The following PPARGC1A variants were observed in gnomAD, a reference collection of about 807,000 sequenced individuals.
PPARGC1A encodes the protein PPARG coactivator 1 alpha, also known as peroxisome proliferator-activated receptor gamma coactivator 1-alpha.
PPARGC1A carries 25 observed loss-of-function variants against 88.7 expected under a neutral mutation model. The ratio of observed to expected loss-of-function variants is 0.28; its 90% CI spans 0.21 to 0.39. The LOEUF is 0.39. Ranked by LOEUF, PPARGC1A falls within the 10% of genes least tolerant of loss-of-function variation. PPARGC1A has a pLI of 1.00. For synonymous variants in PPARGC1A, 363 were observed against 355.6 expected (o/e 1.02, Z -0.24); for missense variants, 880 against 968.7 (o/e 0.91, Z 1.22).
chr4:23,795,898 G>C lies in PPARGC1A; in HGVS notation c.2321C>G (p.Ala774Gly), dbSNP rs201337076. 2.5e-5 allele frequency: 41 copies of C among 1,611,516 alleles called. No individual in the cohort carries two copies. The Admixed American group carries it at 6.7e-4, about 26-fold the overall frequency. ...AGAGTCATACTTGCTCTTGGTGGAA[G>C]CAGGGTCAAAGTCATCTGAGTTTGA... ...LDSNSDDFDP[A>G]STKSKYDSLD... The change falls in exon 13 of 13, where the codon GCT becomes GGT. Residue 774 changes from alanine to glycine, a missense_variant. Transcript: ENST00000264867.
the PPARGC1A span, among the ~76,000 whole-genome samples, chr4:23,929,967 G>A: frequency 6.6e-6 from 1 of 151,982 alleles, no homozygotes; most frequent in African/African-American, 2.4e-5. Context: ...AACTCACCAA[G>A]GAAATCCTCA....
the PPARGC1A span, among the ~76,000 whole-genome samples, chr4:24,188,154 G>GCCGAGGTGGGTGGATC: frequency 2.6e-5 from 4 of 152,122 alleles, no homozygotes; most frequent in African/African-American, 9.7e-5. Flanking sequence ...AGGAACTGAG[G>GCCGAGGTGGGTGGATC]AAGAGCAACA....
chr4:24,297,397 T>G, the PPARGC1A span, among the ~76,000 whole-genome samples: 5 of 152,134 alleles, frequency 3.3e-5, no homozygotes, highest in African/African-American at 1.2e-4. Context: ...GAAATGTACT[T>G]TCAAAGCATC....
chr4:23,959,385 A>T, the PPARGC1A span, among the ~76,000 whole-genome samples: 2 of 152,182 alleles, frequency 1.3e-5, no homozygotes, highest in South Asian at 4.1e-4. Context: ...ATATTTCAGT[A>T]CTTATTATGG....
chr4:24,295,957 A>T, the PPARGC1A span, among the ~76,000 whole-genome samples: 1 of 150,392 alleles, frequency 6.6e-6, no homozygotes, highest in Non-Finnish European at 1.5e-5. Context: ...ATTATTTATC[A>T]CTTGGTGAGT....
chr4:23,849,363 T>C (rs543016164), intron 2 of PPARGC1A, among the ~76,000 whole-genome samples: 11 of 152,352 alleles, frequency 7.2e-5, no homozygotes, highest in African/African-American at 1.2e-4. Flanking sequence ...CTTAATCTGT[T>C]ACCTAAGATG....
chr4:24,103,714 C>T, the PPARGC1A span, among the ~76,000 whole-genome samples: 8 of 151,898 alleles, frequency 5.3e-5, no homozygotes, highest in South Asian at 4.2e-4. Flanking sequence ...TGGTAGGGTG[C>T]TGAAGCCTAC....
the PPARGC1A span, among the ~76,000 whole-genome samples, chr4:24,199,621 G>A: frequency 3.9e-5 from 6 of 152,122 alleles, no homozygotes; most frequent in African/African-American, 1.4e-4. Context: ...TGGGGCATAA[G>A]GCACATTGGC....
upstream of PPARGC1A, among the ~76,000 whole-genome samples, chr4:23,904,878 T>C (rs1288907391): frequency 1.3e-5 from 2 of 152,224 alleles, no homozygotes; most frequent in Admixed American, 6.5e-5. Flanking sequence ...TTTCTGAACA[T>C]AGATACTTTT....
the PPARGC1A span, among the ~76,000 whole-genome samples, chr4:24,351,377 A>G: frequency 1.3e-5 from 2 of 149,836 alleles, no homozygotes; most frequent in African/African-American, 4.9e-5. Context: ...CTTGGACAAC[A>G]GGTGAGATCC....
At chr4:24,253,693 C>T in the PPARGC1A span, among the ~76,000 whole-genome samples, 23 of 152,068 alleles carry the variant, frequency 1.5e-4, no homozygotes, top group Admixed American at 9.8e-4. Context: ...ACGCTGAGAG[C>T]GAGTGCCTCT....
chr4:23,909,133 A>T, the PPARGC1A span, among the ~76,000 whole-genome samples: 1 of 152,158 alleles, frequency 6.6e-6, no homozygotes, highest in Non-Finnish European at 1.5e-5. Flanking sequence ...TCTCCGAAAC[A>T]TCCTAGAATG....
chr4:24,161,008 G>A, the PPARGC1A span, among the ~76,000 whole-genome samples: 1 of 152,154 alleles, frequency 6.6e-6, no homozygotes, highest in African/African-American at 2.4e-5. Flanking sequence ...AAAGTTTTCA[G>A]ATCTTTCATA....
the PPARGC1A span, among the ~76,000 whole-genome samples, chr4:24,339,428 T>A: frequency 2.0e-5 from 3 of 151,584 alleles, no homozygotes; most frequent in Non-Finnish European, 4.4e-5. Flanking sequence ...AGAAGATGAG[T>A]CAGGAATTCA....
At chr4:23,950,332 A>G in the PPARGC1A span, among the ~76,000 whole-genome samples, 3 of 151,952 alleles carry the variant, frequency 2.0e-5, no homozygotes, top group African/African-American at 7.3e-5. Flanking sequence ...CTCCAACCCT[A>G]TCTCCCAAAC....
Position 23,824,337 on chromosome 4 carries a change from G to C in PPARGC1A, c.820C>G (p.Pro274Ala), listed in dbSNP as rs777162328. The C allele has an allele frequency of 1.2e-6, 2 of 1,613,308 alleles. No homozygotes were observed. The highest frequency in any genetic ancestry group is 8.5e-7 in the Non-Finnish European group (1 of 1,179,618). The change falls in exon 7 of 13, where the codon CCA (proline) becomes GCA (alanine). Residue 274 changes from proline to alanine, a missense_variant. Physicochemically the swap from Pro to Ala is conservative, Grantham distance 27. Coordinates refer to ENST00000264867, the MANE Select transcript of PPARGC1A (RefSeq NM_013261.5). ...PESPNDPKGS[P>A]FENKTIERTL... ...CGTTCAATAGTCTTGTTCTCAAATG[G>C]GGAACCCTTGGGGTCACTGGAAGAT...
chr4:24,148,755 C>G, the PPARGC1A span, among the ~76,000 whole-genome samples: 1 of 152,178 alleles, frequency 6.6e-6, no homozygotes, highest in African/African-American at 2.4e-5. Context: ...TGATTACTTG[C>G]TCACACATAA....
At chr4:24,151,948 C>T in the PPARGC1A span, among the ~76,000 whole-genome samples, 2 of 152,220 alleles carry the variant, frequency 1.3e-5, no homozygotes. Context: ...TAGGAAGCAT[C>T]TGGTTCACTT....
chr4:24,163,498 A>G, the PPARGC1A span, among the ~76,000 whole-genome samples: 1 of 152,102 alleles, frequency 6.6e-6, no homozygotes, highest in Non-Finnish European at 1.5e-5. Flanking sequence ...CTAAGCATCA[A>G]TTTAAAAAAA....
Sources: gnomAD v4.1 joint callset for allele counts (sites outside exome capture counted in the v4.1 genomes callset) on GRCh38, gnomAD v4.1.1 for gene constraint, MANE v1.5 for transcripts, NCBI Gene and HGNC (gene_info 2026-07-23, HGNC 2026-07-21) for gene names.